Variants in ZNF107 observed in about 807,000 individuals in gnomAD.
ZNF107 encodes the protein C2H2 type zinc-finger protein.
ZNF107 carries 19 observed loss-of-function variants against 12.3 expected under a neutral mutation model. That is an observed-to-expected ratio of 1.55 (90% CI 1.08 to 2.27). The LOEUF is 2.27. ZNF107 is among the 30% of genes most tolerant of loss of function. The pLI, the probability that ZNF107 is intolerant of heterozygous loss-of-function variation, is 0.00. For synonymous variants in ZNF107, 317 were observed against 330.5 expected (o/e 0.96, Z 0.44); for missense variants, 958 against 979.9 (o/e 0.98, Z 0.30).
intron 1 of ZNF107, among the ~76,000 whole-genome samples, chr7:64,682,498 G>A (rs1371705329): frequency 6.6e-6 from 1 of 152,076 alleles, no homozygotes; most frequent in Non-Finnish European, 1.5e-5. Context: ...AAGCTCTTGA[G>A]ACAGCCTCCT....
chr7:64,670,343 G>A (rs1284899585), intron 1 of ZNF107, among the ~76,000 whole-genome samples: 1 of 151,566 alleles, frequency 6.6e-6, no homozygotes, highest in Admixed American at 6.6e-5. Flanking sequence ...GCAAATGGAG[G>A]GTGAAAAAAA....
intron 1 of ZNF107, among the ~76,000 whole-genome samples, chr7:64,689,198 A>G (rs1790033533): frequency 6.6e-6 from 1 of 152,170 alleles, no homozygotes; most frequent in African/African-American, 2.4e-5. Context: ...CACTTGCTGT[A>G]ACACCCAAAA....
At chr7:64,674,976 C>G (rs1789366611) in intron 1 of ZNF107, among the ~76,000 whole-genome samples, 2 of 151,418 alleles carry the variant, frequency 1.3e-5, no homozygotes, top group South Asian at 4.2e-4. Context: ...AGTGGATTAG[C>G]TTTTATGATG....
intron 3 of ZNF107, among the ~76,000 whole-genome samples, chr7:64,697,291 T>C (rs950475468): frequency 3.3e-5 from 5 of 152,170 alleles, no homozygotes; most frequent in African/African-American, 1.2e-4. Context: ...TGTGCATGTG[T>C]CTTTATAGCA....
rs778619089 is a variant in ZNF107, at chr7:64,708,243, T to C, written c.2146T>C (p.Cys716Arg). 4 of 1,612,830 alleles carry C rather than the reference T, an allele frequency of 2.5e-6. No individual in the cohort carries two copies. Among genetic ancestry groups the C allele is most frequent in the Non-Finnish European group, 3.4e-6 (4 of 1,179,600 alleles). Residue 716 changes from cysteine to arginine, a missense_variant, in exon 4 of 4, where the codon TGC (cysteine) becomes CGC (arginine). Cys to Arg is a radical substitution (Grantham distance 180, BLOSUM62 -3). Transcript: ENST00000620827. ...TGCAGAATGTGGCAAAGCCTTTAAC[T>C]GCTCCTCAACCCTTAATAGACATAA... is the stretch of plus-strand genomic sequence containing the variant. ...QCAECGKAFN[C>R]SSTLNRHKII...
At chr7:64,674,925 G>T (rs1789364049) in intron 1 of ZNF107, among the ~76,000 whole-genome samples, 1 of 152,172 alleles carries the variant, frequency 6.6e-6, no homozygotes, top group Non-Finnish European at 1.5e-5. Context: ...TGTGTATGTT[G>T]AACCAACCTT....
At position 64,707,851 on chromosome 7, in the gene ZNF107, T is replaced by C. The variant is rs751572844; in HGVS notation, c.1754T>C (p.Ile585Thr). The C allele has an allele frequency of 1.2e-6, 2 of 1,613,200 alleles. No homozygotes were observed. Among genetic ancestry groups the C allele is most frequent in the East Asian group, 4.5e-5 (2 of 44,804 alleles). Residue 585 changes from isoleucine (I) to threonine (T), a missense_variant, in exon 4 of 4, where the codon ATA becomes ACA. Physicochemically the swap from Ile to Thr is moderately conservative, Grantham distance 89. Transcript: ENST00000620827. ...TCCTATCAACTTACTAGACATAAGA[T>C]AGTTCATACTAAAGAGAAACTCAAC... is the stretch of plus-strand genomic sequence containing the variant. ...NQSYQLTRHK[I>T]VHTKEKLNKC... is the part of the protein sequence containing the mutation.
chr7:64,685,248 C>T (rs1235348147), intron 1 of ZNF107, among the ~76,000 whole-genome samples: 3 of 152,184 alleles, frequency 2.0e-5, no homozygotes, highest in Non-Finnish European at 2.9e-5. Flanking sequence ...TCCAACACAA[C>T]CTGTCATCAG....
chr7:64,677,851 CAAAAAAAAAAAA>C (rs36080718), intron 1 of ZNF107, among the ~76,000 whole-genome samples: 4 of 77,948 alleles, frequency 5.1e-5, no homozygotes, highest in African/African-American at 1.0e-4. Context: ...GACTCTGTCT[CAAAAAAAAAAAA>C]AAAAAAAAAA....
intron 1 of ZNF107, among the ~76,000 whole-genome samples, chr7:64,671,421 A>G (rs1423908458): frequency 6.6e-6 from 1 of 152,186 alleles, no homozygotes; most frequent in Non-Finnish European, 1.5e-5. Context: ...AAGTGTCTAC[A>G]AGTCTCCTGA....
rs778448783 is a variant in ZNF107, at chr7:64,709,973, C to G, written c.*1317C>G. ...AACCCCATCTCTATTAAAAATTTTA[C>G]AAAAATTAGCTGCGTGTGGTGGCAG... On this transcript the variant is annotated 3_prime_UTR_variant, in exon 4 of 4. Transcript: ENST00000620827. 4 of 259,796 alleles carry G rather than the reference C, an allele frequency of 1.5e-5. No individual in the cohort carries two copies. Among genetic ancestry groups the G allele is most frequent in the Non-Finnish European group, 3.0e-5 (4 of 133,438 alleles). The allele number at this position is 259,796 out of a possible 1,614,324, so 16.1% of individuals were successfully genotyped here.
At chr7:64,701,029 T>C (rs1411006179) in intron 3 of ZNF107, among the ~76,000 whole-genome samples, 1 of 152,228 alleles carries the variant, frequency 6.6e-6, no homozygotes, top group Non-Finnish European at 1.5e-5. Flanking sequence ...ATTTTCTTTA[T>C]ATATTTTGAA....
Position 64,670,279 on chromosome 7 carries a change from C to CT in ZNF107, c.3+4004dup, listed in dbSNP as rs535900039. Among the ~76,000 whole-genome samples, 55 of 147,500 alleles carry CT rather than the reference C, an allele frequency of 3.7e-4. 1 individual carries two copies. The South Asian group carries it at 9.7e-3, about 26-fold the overall frequency. ...ATTGCAAAGTTTAGGCAGACAAAGA[C>CT]TTTTTTTTTTAGGGAGGAGCAAAGA... is the stretch of plus-strand genomic sequence containing the variant. On this transcript the variant is annotated intron_variant, in intron 1 of 3. Coordinates refer to ENST00000620827, the MANE Select transcript of ZNF107 (RefSeq NM_001282359.2).
intron 1 of ZNF107, 54 bp downstream of exon 1, chr7:64,666,339 G>T: frequency 6.3e-7 from 1 of 1,596,884 alleles, no homozygotes; most frequent in East Asian, 2.3e-5. Flanking sequence ...GGTTGGAACC[G>T]ATCGGAAGTG....
chr7:64,677,193 T>C (rs1789446280), intron 1 of ZNF107, among the ~76,000 whole-genome samples: 1 of 151,452 alleles, frequency 6.6e-6, no homozygotes, highest in African/African-American at 2.4e-5. Context: ...TTTTTTGAGA[T>C]GGAGTTTCAC....
intron 3 of ZNF107, among the ~76,000 whole-genome samples, chr7:64,693,901 G>A (rs1790201702): frequency 6.6e-6 from 1 of 152,114 alleles, no homozygotes; most frequent in South Asian, 2.1e-4. Context: ...CGATTCTCGT[G>A]CTTCAGTCTC....
intron 3 of ZNF107, among the ~76,000 whole-genome samples, chr7:64,693,116 A>G (rs1790170638): frequency 6.6e-6 from 1 of 150,746 alleles, no homozygotes; most frequent in Admixed American, 6.6e-5. Flanking sequence ...CTCCTGCCTC[A>G]GCCTCCTGAG....
At chr7:64,684,219 G>A (rs979351691) in intron 1 of ZNF107, among the ~76,000 whole-genome samples, 5 of 152,076 alleles carry the variant, frequency 3.3e-5, no homozygotes, top group African/African-American at 4.8e-5. Flanking sequence ...TAGCCCATTC[G>A]AACTCTTATA....
At chr7:64,689,128 ATAT>A (rs1168119117) in intron 1 of ZNF107, among the ~76,000 whole-genome samples, 1 of 152,102 alleles carries the variant, frequency 6.6e-6, no homozygotes, top group Non-Finnish European at 1.5e-5. Flanking sequence ...TCAAGTAGAC[ATAT>A]TATTTAGAAT....
Sources: allele counts gnomAD v4.1 joint callset (sites outside exome capture counted in the v4.1 genomes callset), GRCh38; gene constraint gnomAD v4.1.1; transcripts MANE v1.5; gene names NCBI Gene and HGNC (gene_info 2026-07-23, HGNC 2026-07-21).